HS3ST5: variants seen among roughly 807,000 people sequenced by gnomAD.
HS3ST5 encodes the protein heparan sulfate-glucosamine 3-sulfotransferase 5.
HS3ST5 carries 10 observed loss-of-function variants against 25.4 expected under a neutral mutation model. That is an observed-to-expected ratio of 0.39 (90% CI 0.24 to 0.67). HS3ST5 has a LOEUF of 0.67. HS3ST5 is among the 30% of genes least tolerant of loss of function. The pLI is 0.44. For missense variants in HS3ST5, 324 were observed against 420.7 expected, an observed-to-expected ratio of 0.77 and a Z score of 2.01; for synonymous variants, 170 against 162.4, an observed-to-expected ratio of 1.05 and a Z score of -0.36.
intron 1 of HS3ST5, among the ~76,000 whole-genome samples, chr6:114,296,677 A>G (rs1562267526): frequency 6.6e-6 from 1 of 152,216 alleles, no homozygotes; most frequent in Non-Finnish European, 1.5e-5. Flanking sequence ...CACCCCTGTT[A>G]AAGTAAAGGG....
At chr6:114,098,109 C>G (rs141284901) in intron 3 of HS3ST5, among the ~76,000 whole-genome samples, 1 of 151,936 alleles carries the variant, frequency 6.6e-6, no homozygotes, top group Non-Finnish European at 1.5e-5. Flanking sequence ...CTAATTCAGA[C>G]GTTTTACTAA....
intron 3 of HS3ST5, among the ~76,000 whole-genome samples, chr6:114,091,118 A>G (rs1175050090): frequency 1.3e-5 from 2 of 152,208 alleles, no homozygotes; most frequent in Non-Finnish European, 2.9e-5. Flanking sequence ...GGGATTGGGT[A>G]GTATTTAACA....
At chr6:114,278,970 ACT>A (rs1773985166) in intron 1 of HS3ST5, among the ~76,000 whole-genome samples, 1 of 151,986 alleles carries the variant, frequency 6.6e-6, no homozygotes, top group East Asian at 1.9e-4. Flanking sequence ...CCTTTTATTC[ACT>A]CTTTTTCTAC....
intron 1 of HS3ST5, among the ~76,000 whole-genome samples, chr6:114,257,306 ACACTTCTGAGG>A (rs1772975174): frequency 6.6e-6 from 1 of 152,240 alleles, no homozygotes; most frequent in Non-Finnish European, 1.5e-5. Context: ...AAAAAAATTT[ACACTTCTGAGG>A]CACTTTCCAA....
intron 2 of HS3ST5, among the ~76,000 whole-genome samples, chr6:114,211,128 C>T (rs1021663026): frequency 2.0e-5 from 3 of 152,190 alleles, no homozygotes; most frequent in African/African-American, 4.8e-5. Context: ...ATTCTTATTA[C>T]AAATATAATC....
intron 3 of HS3ST5, among the ~76,000 whole-genome samples, chr6:114,088,382 T>TG (rs1473776011): frequency 6.6e-6 from 1 of 151,962 alleles, no homozygotes; most frequent in Non-Finnish European, 1.5e-5. Context: ...TACTATTTCC[T>TG]GGATGATCTT....
intron 1 of HS3ST5, among the ~76,000 whole-genome samples, chr6:114,285,802 A>G (rs1276489726): frequency 6.6e-6 from 1 of 152,032 alleles, no homozygotes; most frequent in African/African-American, 2.4e-5. Flanking sequence ...CATCCTGCAC[A>G]TGTATCCTGG....
At chr6:114,124,669 A>G (rs1387931905) in intron 3 of HS3ST5, among the ~76,000 whole-genome samples, 1 of 151,822 alleles carries the variant, frequency 6.6e-6, no homozygotes, top group African/African-American at 2.4e-5. Flanking sequence ...CAGCTAATGA[A>G]AATAAACCTT....
At chr6:114,323,228 G>A (rs1050490986) in intron 1 of HS3ST5, among the ~76,000 whole-genome samples, 2 of 152,142 alleles carry the variant, frequency 1.3e-5, no homozygotes, top group African/African-American at 4.8e-5. Context: ...AAGGTAGGAA[G>A]GAAGAAAACA....
In HS3ST5 at chr6:114,130,791, G is replaced by C. The variant is rs561462925; in HGVS notation, c.-33+37560C>G. 1.1e-4 allele frequency among the ~76,000 whole-genome samples: 17 copies of C among 152,192 alleles called. No homozygotes were observed. The East Asian group carries it at 3.3e-3, about 29-fold the overall frequency. On this transcript the variant is annotated intron_variant, in intron 3 of 4. Transcript: ENST00000312719. ...TCACCGTGTTAGCCAGGATAGTCTC[G>C]ATCTCCTGACCATGTGATCCGCCCA...
intron 1 of HS3ST5, among the ~76,000 whole-genome samples, chr6:114,275,279 AAT>A (rs1411730425): frequency 6.6e-6 from 1 of 152,086 alleles, no homozygotes; most frequent in Non-Finnish European, 1.5e-5. Context: ...AAAAGAACAT[AAT>A]ATATGTTTAT....
chr6:114,151,203 A>G (rs1049937782), intron 3 of HS3ST5, among the ~76,000 whole-genome samples: 6 of 152,156 alleles, frequency 3.9e-5, no homozygotes, highest in Non-Finnish European at 8.8e-5. Context: ...GCATTATCTG[A>G]CCCACAAAAT....
intron 1 of HS3ST5, among the ~76,000 whole-genome samples, chr6:114,282,534 C>T (rs1292541070): frequency 2.0e-5 from 3 of 151,904 alleles, no homozygotes; most frequent in African/African-American, 4.8e-5. Flanking sequence ...CATGTGCCAG[C>T]GAAGCTTTAA....
chr6:114,133,181 A>G (rs1562209651), intron 3 of HS3ST5, among the ~76,000 whole-genome samples: 1 of 152,030 alleles, frequency 6.6e-6, no homozygotes, highest in Admixed American at 6.6e-5. Context: ...CTGCCCATCA[A>G]GGGATGACAA....
chr6:114,100,271 C>T (rs1279601352), intron 3 of HS3ST5, among the ~76,000 whole-genome samples: 3 of 152,046 alleles, frequency 2.0e-5, no homozygotes, highest in African/African-American at 7.2e-5. Context: ...CTCTGGGTCA[C>T]GTTCTCCACG....
chr6:114,234,790 T>G (rs1229230846), intron 1 of HS3ST5, among the ~76,000 whole-genome samples: 1 of 152,196 alleles, frequency 6.6e-6, no homozygotes, highest in Non-Finnish European at 1.5e-5. Flanking sequence ...TTGTGTTTAT[T>G]CCATGCATGA....
In HS3ST5 at chr6:114,061,697, C is replaced by T. The variant is rs143345056; in HGVS notation, c.107+1042G>A. ...AGGCACAGTGGTTCACACCTGTAAT[C>T]CCAGCACTTTGGGAGGCCAAGGCAG... On this transcript the variant is annotated intron_variant, in intron 4 of 4. Coordinates refer to ENST00000312719, the MANE Select transcript of HS3ST5 (RefSeq NM_153612.4). Among the ~76,000 whole-genome samples the T allele has an allele frequency of 2.8e-4, 43 of 152,314 alleles. No individual in the cohort carries two copies. In the East Asian group the frequency reaches 7.5e-3, roughly 27 times the overall value.
intron 1 of HS3ST5, among the ~76,000 whole-genome samples, chr6:114,341,358 TAGAGGAAA>T (rs1776862693): frequency 6.7e-6 from 1 of 148,572 alleles, no homozygotes; most frequent in Non-Finnish European, 1.5e-5. Flanking sequence ...AGCGGAAGAG[TAGAGGAAA>T]CCCACCAAGG....
chr6:114,098,359 C>A (rs1775550719), intron 3 of HS3ST5, among the ~76,000 whole-genome samples: 1 of 151,344 alleles, frequency 6.6e-6, no homozygotes, highest in Non-Finnish European at 1.5e-5. Context: ...TTTGCAAACA[C>A]TGAGTGGTCA....
Sources: allele counts gnomAD v4.1 joint callset (sites outside exome capture counted in the v4.1 genomes callset), GRCh38; gene constraint gnomAD v4.1.1; transcripts MANE v1.5; gene names NCBI Gene and HGNC (gene_info 2026-07-23, HGNC 2026-07-21).